The following SLC5A12 variants were observed in gnomAD, a reference collection of about 807,000 sequenced individuals.
SLC5A12 encodes the protein solute carrier family 5 member 12, also known as sodium-coupled monocarboxylate transporter 2.
SLC5A12 carries 46 observed loss-of-function variants against 72.7 expected under a neutral mutation model. That is an observed-to-expected ratio of 0.63 (90% confidence interval 0.50 to 0.81). SLC5A12 has a LOEUF of 0.81. Among genes scored for constraint, SLC5A12 ranks in the 30% least tolerant of loss-of-function variants. The pLI is 0.00. For missense variants in SLC5A12, 683 were observed against 740.7 expected, an observed-to-expected ratio of 0.92 and a Z score of 0.90; for synonymous variants, 275 against 264.4, an observed-to-expected ratio of 1.04 and a Z score of -0.39.
intron 9 of SLC5A12, among the ~76,000 whole-genome samples, chr11:26,688,666 C>T (rs1461338364): frequency 2.0e-5 from 3 of 152,070 alleles, no homozygotes; most frequent in African/African-American, 7.3e-5. Context: ...TCTTAATATG[C>T]TGCAAGGATA....
rs79466351 is a variant in SLC5A12 at position 26,692,699 on chromosome 11, A to G, written c.1041-98T>C. The G allele has an allele frequency of 8.3e-3, 5,852 of 704,634 alleles. 242 individuals carry two copies. The highest frequency in any genetic ancestry group is 0.057 in the South Asian group (3,393 of 59,094). The allele number at this position is 704,634 out of a possible 1,614,324, so 43.6% of individuals were successfully genotyped here. On this transcript the variant is annotated intron_variant, in intron 8 of 14. Transcript: ENST00000396005. ...GGGCAGATAGATAAGGCAGGCCTCT[A>G]GAAAAAACAGATGCAGATATATCTC...
rs1278500115 is a variant in SLC5A12, at chr11:26,669,620, A to G, written c.*1482T>C. The G allele has an allele frequency of 1.3e-5, 2 of 151,902 alleles. No individual in the cohort carries two copies. The highest frequency in any genetic ancestry group is 2.1e-4 in the South Asian group (1 of 4,816). The allele number at this position is 151,902 out of a possible 1,614,324, so 9.4% of individuals were successfully genotyped here. A position where few individuals can be genotyped will look rare whatever the true frequency, so the allele number is the denominator to read the frequency against. ...AGGCAAGGATTGGGCTCTGTTTTATAAACTCCAGTTTCTCTGTTTTAATTC... is the reference window on the plus strand; with the variant it reads ...AGGCAAGGATTGGGCTCTGTTTTATGAACTCCAGTTTCTCTGTTTTAATTC... On this transcript the variant is annotated 3_prime_UTR_variant, in exon 15 of 15. Transcript: ENST00000396005.
At chr11:26,714,108 CA>C (rs55772307) in intron 1 of SLC5A12, among the ~76,000 whole-genome samples, 1 of 150,628 alleles carries the variant, frequency 6.6e-6, no homozygotes, top group African/African-American at 2.4e-5. Flanking sequence ...TCAAAACGAA[CA>C]AAAAAAAACA....
At chr11:26,671,547 A>AG in intron 14 of SLC5A12, among the ~76,000 whole-genome samples, 1 of 152,110 alleles carries the variant, frequency 6.6e-6, no homozygotes, top group South Asian at 2.1e-4. Flanking sequence ...GTGAGGTAGT[A>AG]GTATTACCTT....
In SLC5A12 at chr11:26,669,187, T is replaced by TTTCTCTTTCTTTC. The variant is rs1854073553; in HGVS notation, c.*1914_*1915insGAAAGAAAGAGAA. The TTTCTCTTTCTTTC allele has an allele frequency of 9.0e-5, 10 of 111,002 alleles. No homozygotes were observed. The highest frequency in any genetic ancestry group is 2.8e-4 in the South Asian group (1 of 3,546). 6.9% of individuals were successfully genotyped at this position (111,002 alleles called of 1,614,324 possible). On this transcript the variant is annotated 3_prime_UTR_variant, in exon 15 of 15. Transcript: ENST00000396005. ...TGTCTTTTTCTTTCTTTCTTTCTTC[T>TTTCTCTTTCTTTC]TTTCTTTCTTTCTTTCTTTCTTTCT...
chr11:26,715,177 G>A (rs1050470022), intron 1 of SLC5A12, among the ~76,000 whole-genome samples: 1 of 152,144 alleles, frequency 6.6e-6, no homozygotes, highest in Non-Finnish European at 1.5e-5. Flanking sequence ...TACAGAGCTA[G>A]GGCTATAGTA....
intron 4 of SLC5A12, among the ~76,000 whole-genome samples, chr11:26,705,804 C>T (rs974882842): frequency 5.3e-5 from 8 of 151,950 alleles, no homozygotes; most frequent in African/African-American, 1.7e-4. Flanking sequence ...TCTGCATAAA[C>T]TTGGCATAAG....
chr11:26,689,486 T>A (rs1045875883), intron 9 of SLC5A12, among the ~76,000 whole-genome samples: 1 of 151,754 alleles, frequency 6.6e-6, no homozygotes, highest in Non-Finnish European at 1.5e-5. Flanking sequence ...GTGGAAAAAA[T>A]TGGAACAGTA....
At chr11:26,716,631 A>C (rs1565204775) in intron 1 of SLC5A12, among the ~76,000 whole-genome samples, 1 of 152,100 alleles carries the variant, frequency 6.6e-6, no homozygotes, top group Non-Finnish European at 1.5e-5. Context: ...AGGAAATACC[A>C]ACTCTACTTT....
At chr11:26,683,723 C>A in intron 11 of SLC5A12, 34 bp downstream of exon 11, 1 of 1,541,128 alleles carries the variant, frequency 6.5e-7, no homozygotes, top group Non-Finnish European at 8.8e-7. Flanking sequence ...CCAGTTTTGA[C>A]TGGGAATTGT....
chr11:26,701,131 T>G (rs899046086), intron 6 of SLC5A12, among the ~76,000 whole-genome samples: 2 of 150,976 alleles, frequency 1.3e-5, no homozygotes, highest in Non-Finnish European at 2.9e-5. Context: ...TCCAGCTGTG[T>G]GACAGATGGG....
intron 10 of SLC5A12, 139 bp from the exon 11 acceptor site, chr11:26,683,982 A>C: frequency 1.6e-6 from 1 of 615,256 alleles, no homozygotes; most frequent in East Asian, 2.9e-5. Context: ...GCTTTCTATA[A>C]GTCATTTCTC....
Position 26,692,752 on chromosome 11 carries a change from A to G in SLC5A12, c.1041-151T>C, listed in dbSNP as rs377695804. 53 of 590,190 alleles carry G rather than the reference A, an allele frequency of 9.0e-5. 1 individual carries two copies. Among genetic ancestry groups the G allele is most frequent in the South Asian group, 8.2e-4 (39 of 47,504 alleles). The allele number at this position is 590,190 out of a possible 1,614,324, so 36.6% of individuals were successfully genotyped here. A position where few individuals can be genotyped will look rare whatever the true frequency, so the allele number is the denominator to read the frequency against. On this transcript the variant is annotated intron_variant, in intron 8 of 14. Transcript: ENST00000396005. ...TCTTCTGAGACTCCATGGGAACTAT[A>G]TGGCCTCTTTACTCATCTTTCAAAT...
intron 9 of SLC5A12, among the ~76,000 whole-genome samples, chr11:26,689,552 C>T (rs1854617200): frequency 6.6e-6 from 1 of 152,114 alleles, no homozygotes; most frequent in African/African-American, 2.4e-5. Context: ...CATAGGAGAA[C>T]TTTCCACGGT....
Position 26,685,045 on chromosome 11 carries a change from A to G in SLC5A12, c.1222-1202T>C, listed in dbSNP as rs1565188178. Among the ~76,000 whole-genome samples, 3 of 152,204 alleles carry G rather than the reference A, an allele frequency of 2.0e-5. No homozygotes were observed. In the South Asian group the frequency reaches 6.2e-4, roughly 32 times the overall value. On this transcript the variant is annotated intron_variant, in intron 10 of 14. Coordinates refer to ENST00000396005, the MANE Select transcript of SLC5A12 (RefSeq NM_178498.4). ...AGCATCTGTGATGAAACAGTAGTTA[A>G]TGGCCTATTAGAAAGGACATCATGT...
intron 6 of SLC5A12, among the ~76,000 whole-genome samples, chr11:26,702,808 G>T (rs1854990074): frequency 1.3e-5 from 2 of 152,114 alleles, no homozygotes; most frequent in Admixed American, 1.3e-4. Flanking sequence ...CTTAACCTTT[G>T]CAAATATAAA....
At position 26,691,993 on chromosome 11, in the gene SLC5A12, A is replaced by T. The variant is rs56221827; in HGVS notation, c.1153+496T>A. ...ACTAATATGACCATCACACAGTGTAATCAAGAGAGATTGATGTGATTAGTT... is the reference window on the plus strand; with the variant it reads ...ACTAATATGACCATCACACAGTGTATTCAAGAGAGATTGATGTGATTAGTT... On this transcript the variant is annotated intron_variant, in intron 9 of 14. Transcript: ENST00000396005. The T allele has an allele frequency of 4.0e-3, 614 of 154,442 alleles. 4 individuals are homozygous for T. The highest frequency in any genetic ancestry group is 7.0e-3 in the Non-Finnish European group (485 of 69,504). 9.6% of individuals were successfully genotyped at this position (154,442 alleles called of 1,614,324 possible). A position where few individuals can be genotyped will look rare whatever the true frequency, so the allele number is the denominator to read the frequency against.
chr11:26,682,318 G>T (rs1034591009), intron 11 of SLC5A12, among the ~76,000 whole-genome samples: 2 of 152,082 alleles, frequency 1.3e-5, no homozygotes, highest in Admixed American at 6.6e-5. Context: ...AACACAGGGG[G>T]CCAGCTAGAT....
At chr11:26,700,695 C>A (rs1854938380) in intron 6 of SLC5A12, among the ~76,000 whole-genome samples, 1 of 152,142 alleles carries the variant, frequency 6.6e-6, no homozygotes, top group African/African-American at 2.4e-5. Context: ...TACCAGCAGA[C>A]CTGAAAGATA....
Sources: gnomAD v4.1 joint callset for allele counts (sites outside exome capture counted in the v4.1 genomes callset) on GRCh38, gnomAD v4.1.1 for gene constraint, MANE v1.5 for transcripts, NCBI Gene and HGNC (gene_info 2026-07-23, HGNC 2026-07-21) for gene names.